Variants in ATRNL1 observed in about 807,000 individuals in gnomAD.
The protein encoded by ATRNL1 is attractin-like protein 1.
ATRNL1 carries 95 observed loss-of-function variants against 182.7 expected under a neutral mutation model. The ratio of observed to expected loss-of-function variants is 0.52; its 90% CI spans 0.44 to 0.62. The LOEUF (loss-of-function observed/expected upper bound fraction) is 0.62. Among genes scored for constraint, ATRNL1 ranks in the 20% least tolerant of loss-of-function variants. ATRNL1 has a pLI of 0.00. For missense variants in ATRNL1, 1,471 were observed against 1,679.5 expected (o/e 0.88, Z 2.17); for synonymous variants, 576 against 568.3 (o/e 1.01, Z -0.19).
chr10:115,616,684 A>C (rs1257092505), intron 26 of ATRNL1, among the ~76,000 whole-genome samples: 2 of 152,200 alleles, frequency 1.3e-5, no homozygotes, highest in Non-Finnish European at 2.9e-5. Flanking sequence ...GCTCCAGCCA[A>C]GGCCAAAAGG....
intron 28 of ATRNL1, among the ~76,000 whole-genome samples, chr10:115,848,672 G>A (rs1469044850): frequency 1.3e-5 from 2 of 152,168 alleles, no homozygotes; most frequent in Non-Finnish European, 2.9e-5. Flanking sequence ...CACATTCTAA[G>A]CATGCTCAAT....
chr10:115,470,521 AG>A (rs1252677299), intron 24 of ATRNL1, among the ~76,000 whole-genome samples: 1 of 150,616 alleles, frequency 6.6e-6, no homozygotes, highest in Non-Finnish European at 1.5e-5. Flanking sequence ...GAAAGGGAAA[AG>A]GGTTCATCTA....
chr10:115,353,980 CT>C (rs1856388391), intron 19 of ATRNL1, among the ~76,000 whole-genome samples: 1 of 152,000 alleles, frequency 6.6e-6, no homozygotes. Flanking sequence ...ATAGATTTTT[CT>C]TTTGGTCCTC....
intron 26 of ATRNL1, among the ~76,000 whole-genome samples, chr10:115,622,077 G>A (rs1401228260): frequency 2.0e-5 from 3 of 152,078 alleles, no homozygotes; most frequent in Non-Finnish European, 4.4e-5. Flanking sequence ...TTTTCCAAAG[G>A]TAATCTTGCT....
rs553590656 is a variant in ATRNL1 at position 115,395,216 on chromosome 10, G to A, written c.3269+464G>A. Among the ~76,000 whole-genome samples, 9 of 152,080 alleles carry A rather than the reference G, an allele frequency of 5.9e-5. No individual in the cohort carries two copies. In the East Asian group the frequency reaches 1.7e-3, roughly 29 times the overall value. The stretch of plus-strand genomic sequence containing the variant: ...TTTTATGGCTGTGTAGTATTCCATG[G>A]TGTATGTGGACCACATTTTCTTTAT... On this transcript the variant is annotated intron_variant, in intron 20 of 28. Transcript: ENST00000355044.
intron 28 of ATRNL1, among the ~76,000 whole-genome samples, chr10:115,926,169 A>G (rs187655591): frequency 6.6e-6 from 1 of 152,338 alleles, no homozygotes; most frequent in African/African-American, 2.4e-5. Context: ...CTGGGTAAAT[A>G]ATGAAATTAA....
intron 26 of ATRNL1, among the ~76,000 whole-genome samples, chr10:115,613,781 T>C (rs1857285624): frequency 6.6e-6 from 1 of 152,058 alleles, no homozygotes; most frequent in African/African-American, 2.4e-5. Context: ...TTTATTCATT[T>C]TCTTGAGGTT....
chr10:115,730,278 A>G (rs1947755016), intron 27 of ATRNL1, among the ~76,000 whole-genome samples: 1 of 147,388 alleles, frequency 6.8e-6, no homozygotes, highest in African/African-American at 2.5e-5. Context: ...AAAAAAAAAA[A>G]AAAAGAGAGA....
chr10:115,252,191 T>C (rs1228501841), intron 10 of ATRNL1, among the ~76,000 whole-genome samples: 1 of 152,168 alleles, frequency 6.6e-6, no homozygotes, highest in Non-Finnish European at 1.5e-5. Flanking sequence ...CACGCCCGGC[T>C]AATTTTTTGT....
intron 20 of ATRNL1, among the ~76,000 whole-genome samples, chr10:115,406,629 C>A (rs1666486591): frequency 6.6e-6 from 1 of 152,090 alleles, no homozygotes; most frequent in African/African-American, 2.4e-5. Flanking sequence ...TATGTTTAAT[C>A]TTTAAAAGTT....
chr10:115,538,869 A>G (rs1220999859), intron 25 of ATRNL1, among the ~76,000 whole-genome samples: 5 of 152,242 alleles, frequency 3.3e-5, no homozygotes, highest in African/African-American at 9.6e-5. Flanking sequence ...GATGGTACTT[A>G]TAAGATTATA....
chr10:115,311,847 A>G (rs763209172), intron 17 of ATRNL1, among the ~76,000 whole-genome samples: 1 of 151,976 alleles, frequency 6.6e-6, no homozygotes, highest in Non-Finnish European at 1.5e-5. Context: ...TACTTTTATC[A>G]TTATATAATG....
At chr10:115,388,774 A>T (rs561774943) in intron 19 of ATRNL1, among the ~76,000 whole-genome samples, 1 of 151,758 alleles carries the variant, frequency 6.6e-6, no homozygotes, top group Non-Finnish European at 1.5e-5. Flanking sequence ...ATTTTGTTCC[A>T]TTACTCACCT....
intron 26 of ATRNL1, among the ~76,000 whole-genome samples, chr10:115,611,085 A>G (rs74704820): frequency 7.2e-4 from 108 of 150,024 alleles, no homozygotes; most frequent in African/African-American, 2.5e-3. Flanking sequence ...TCTTGATAAA[A>G]TTAGTGAAAA....
rs553555924 is a variant in ATRNL1, at chr10:115,822,018, A to G, written c.3904-25859A>G. Among the ~76,000 whole-genome samples, 9 of 152,320 alleles carry G rather than the reference A, an allele frequency of 5.9e-5. No individual in the cohort carries two copies. The South Asian group carries it at 1.9e-3, about 32-fold the overall frequency. On this transcript the variant is annotated intron_variant, in intron 27 of 28. Transcript: ENST00000355044. The stretch of plus-strand genomic sequence containing the variant: ...CATCACACTTATTCTAAAGTTGACC[A>G]CATAATTGGAAGTAAAACACTCCTC...
chr10:115,829,886 G>A (rs533416988), intron 27 of ATRNL1, among the ~76,000 whole-genome samples: 1 of 152,216 alleles, frequency 6.6e-6, no homozygotes, highest in African/African-American at 2.4e-5. Flanking sequence ...ACTCTTTAGG[G>A]ATTTTACATG....
chr10:115,513,997 G>C lies in ATRNL1; in HGVS notation c.3655-5266G>C, dbSNP rs141216446. 3.9e-3 allele frequency among the ~76,000 whole-genome samples: 593 copies of C among 151,964 alleles called. 2 individuals are homozygous for C. Among genetic ancestry groups the C allele is most frequent in the Admixed American group, 5.6e-3 (85 of 15,214 alleles). ...GAGTGTCCCTTGCATCAGTTTTTAAGAAAGTCTGTATTTCAGATGGTACTT... is the reference window on the plus strand; with the variant it reads ...GAGTGTCCCTTGCATCAGTTTTTAACAAAGTCTGTATTTCAGATGGTACTT... On this transcript the variant is annotated intron_variant, in intron 24 of 28. Coordinates refer to ENST00000355044, the MANE Select transcript of ATRNL1 (RefSeq NM_207303.4).
intron 25 of ATRNL1, among the ~76,000 whole-genome samples, chr10:115,532,114 T>C (rs1202280866): frequency 4.6e-5 from 7 of 151,806 alleles, no homozygotes; most frequent in Admixed American, 1.3e-4. Context: ...CGATGCGGGC[T>C]CTTTTTTGGT....
intron 27 of ATRNL1, among the ~76,000 whole-genome samples, chr10:115,772,802 C>G (rs1949028507): frequency 6.6e-6 from 1 of 152,172 alleles, no homozygotes; most frequent in Non-Finnish European, 1.5e-5. Context: ...AAGAGTACAT[C>G]TTGCTTGCTT....
Sources: gnomAD v4.1 joint callset for allele counts (sites outside exome capture counted in the v4.1 genomes callset) on GRCh38, gnomAD v4.1.1 for gene constraint, MANE v1.5 for transcripts, NCBI Gene and HGNC (gene_info 2026-07-23, HGNC 2026-07-21) for gene names.